The following ZNF862 variants were observed in gnomAD, a reference collection of about 807,000 sequenced individuals.
ZNF862 encodes zinc finger protein 862.
ZNF862 carries 64 observed loss-of-function variants against 91.1 expected under a neutral mutation model. The observed-to-expected ratio is 0.70, with a 90% CI of 0.57 to 0.87. The LOEUF (loss-of-function observed/expected upper bound fraction) is 0.87, where lower values mean the gene tolerates loss of function less well. Ranked by LOEUF, ZNF862 falls within the 40% of genes least tolerant of loss-of-function variation. The pLI is 0.00. For synonymous variants in ZNF862, 631 were observed against 618.1 expected (o/e 1.02, Z -0.31); for missense variants, 1,459 against 1,528.0 (o/e 0.95, Z 0.75).
intron 3 of ZNF862, 80 bp downstream of exon 3, chr7:149,846,335 T>C (rs932887578): frequency 1.1e-5 from 12 of 1,115,512 alleles, no homozygotes; most frequent in Non-Finnish European, 1.6e-5. Context: ...AGGCTCATCC[T>C]CTGCCCTTCC....
Position 149,850,329 on chromosome 7 carries a change from G to T in ZNF862, c.1108G>T (p.Ala370Ser). ...GATGCGGATGAACTACGAGCTGTTG[G>T]CATCCTTGGGTAAAGACGCACCGAG... ...DVMRMNYELLASLGPAAAKPD... is the reference protein window; with the variant it reads ...DVMRMNYELLSSLGPAAAKPD... Residue 370 changes from alanine to serine, a missense_variant, in exon 5 of 8, where the codon GCA (alanine) becomes TCA (serine). Physicochemically the swap from Ala to Ser is moderately conservative, Grantham distance 99. Transcript: ENST00000223210. This position sits in a 1 kb window ranked among gnomAD's most constrained non-coding sequence, Gnocchi z 4.2. 1 of 1,611,128 alleles carries T rather than the reference G, an allele frequency of 6.2e-7. No homozygotes were observed. Among genetic ancestry groups the T allele is most frequent in the Non-Finnish European group, 8.5e-7 (1 of 1,178,416 alleles).
chr7:149,844,930 C>T, intron 2 of ZNF862, 194 bp downstream of exon 2: 1 of 543,682 alleles, frequency 1.8e-6, no homozygotes, highest in South Asian at 2.1e-5. Context: ...CTCTTCTCCC[C>T]TTAAAATGGT....
At chr7:149,862,890 A>T (rs907043843) in intron 7 of ZNF862, among the ~76,000 whole-genome samples, 1 of 152,226 alleles carries the variant, frequency 6.6e-6, no homozygotes, top group Admixed American at 6.5e-5. Context: ...GTACTAGTTA[A>T]AGGTCAAGAC....
rs1301741519 is a variant in ZNF862 at position 149,861,051 on chromosome 7, T to C, written c.1891T>C (p.Ser631Pro). The C allele has an allele frequency of 6.2e-7, 1 of 1,612,716 alleles. No individual in the cohort carries two copies. The highest frequency in any genetic ancestry group is 1.3e-5 in the African/African-American group (1 of 75,012). ...SPCVSVLLDSSTDASEQACVG... is the reference protein window; with the variant it reads ...SPCVSVLLDSPTDASEQACVG... ...CTGTGTGAGCGTGCTGCTGGACAGC[T>C]CCACCGACGCCTCCGAGCAGGCCTG... is the stretch of plus-strand genomic sequence containing the variant. Residue 631 changes from serine to proline, a missense_variant, in exon 7 of 8, where the codon TCC (serine) becomes CCC (proline). Transcript: ENST00000223210. This position sits in a 1 kb window ranked among gnomAD's most constrained non-coding sequence, Gnocchi z 6.7.
intron 6 of ZNF862, 125 bp from the exon 7 acceptor site, chr7:149,860,258 A>G (rs1277176583): frequency 2.1e-5 from 17 of 826,732 alleles, no homozygotes; most frequent in South Asian, 1.5e-4. Context: ...CTCTAGAAAG[A>G]AGGATTGCAT....
chr7:149,859,227 G>C, intron 5 of ZNF862, 195 bp from the exon 6 acceptor site: 1 of 615,682 alleles, frequency 1.6e-6, no homozygotes, highest in East Asian at 2.8e-5. Flanking sequence ...CCCTATCCTA[G>C]CTGAGGGCTG....
intron 7 of ZNF862, among the ~76,000 whole-genome samples, chr7:149,863,820 G>C (rs1021248394): frequency 1.3e-5 from 2 of 152,188 alleles, no homozygotes; most frequent in African/African-American, 4.8e-5. Flanking sequence ...CTACCTATTA[G>C]ATAACCACTG....
chr7:149,862,286 G>T lies in ZNF862; in HGVS notation c.3126G>T (p.Gly1042=), dbSNP rs373995127. ...VPISTSCCER[G]FKAMNRIRTD... The stretch of plus-strand genomic sequence containing the variant: ...TCTCCACCTCTTGCTGTGAGCGGGG[G>T]TTCAAGGCCATGAACCGAATCAGGA... The change falls in exon 7 of 8, where the codon GGG becomes GGT. Residue 1042 remains glycine (G), a synonymous_variant. Transcript: ENST00000223210. The T allele has an allele frequency of 1.2e-6, 2 of 1,613,564 alleles. No individual in the cohort carries two copies. Among genetic ancestry groups the T allele is most frequent in the Admixed American group, 1.7e-5 (1 of 59,970 alleles).
rs559899721 is a variant in ZNF862 at position 149,843,065 on chromosome 7, G to C, written c.25-1560G>C. On this transcript the variant is annotated intron_variant, in intron 1 of 7. Coordinates refer to ENST00000223210, the MANE Select transcript of ZNF862 (RefSeq NM_001099220.3). The stretch of plus-strand genomic sequence containing the variant: ...ATACCAAATGTTAACAGATTCTCAG[G>C]AAAGAAGGGTAATGAAAAGTAATTA... Among the ~76,000 whole-genome samples, 47 of 152,266 alleles carry C rather than the reference G, an allele frequency of 3.1e-4. 2 individuals are homozygous for C. In the South Asian group the frequency reaches 9.5e-3, roughly 31 times the overall value.
chr7:149,844,610 T>C lies in ZNF862; in HGVS notation c.25-15T>C, dbSNP rs1190906433. Reference sequence around the variant, plus strand: ...GGAAGAGAGTGGTACTTAGCAGCTGTCATTTTCCTTTCAGGCTCCTGTGAC... The same window carrying C: ...GGAAGAGAGTGGTACTTAGCAGCTGCCATTTTCCTTTCAGGCTCCTGTGAC... On this transcript the variant is annotated splice_polypyrimidine_tract_variant and intron_variant, in intron 1 of 7. Coordinates refer to ENST00000223210, the MANE Select transcript of ZNF862 (RefSeq NM_001099220.3). The C allele has an allele frequency of 6.4e-7, 1 of 1,560,928 alleles. No homozygotes were observed. Among genetic ancestry groups the C allele is most frequent in the Non-Finnish European group, 8.7e-7 (1 of 1,144,992 alleles).
chr7:149,861,965 G>A lies in ZNF862; in HGVS notation c.2805G>A (p.Arg935=). 1.2e-6 allele frequency: 2 copies of A among 1,613,836 alleles called. No homozygotes were observed. The highest frequency in any genetic ancestry group is 8.5e-7 in the Non-Finnish European group (1 of 1,179,876). Residue 935 remains arginine, a synonymous_variant, in exon 7 of 8, where the codon AGG becomes AGA. Transcript: ENST00000223210. The surrounding 1 kb of genome is among the most constrained non-coding windows in gnomAD (Gnocchi z 6.7). ...CGGGGATTGAGTACCTCCAGCAGAG[G>A]TTTGACGCAGACCGACCCCCACAGC... ...VLTGIEYLQQ[R]FDADRPPQLK...
intron 5 of ZNF862, among the ~76,000 whole-genome samples, chr7:149,853,044 C>T (rs1802121362): frequency 6.6e-6 from 1 of 152,180 alleles, no homozygotes; most frequent in African/African-American, 2.4e-5. Flanking sequence ...TGGGGGCAGC[C>T]GGAGCTAGAG....
intron 5 of ZNF862, chr7:149,852,184 C>G (rs898960729): frequency 2.0e-5 from 3 of 150,648 alleles, no homozygotes; most frequent in African/African-American, 7.3e-5. Flanking sequence ...AGTGGAGATT[C>G]TTTAATTGTT....
rs756698529 is a variant in ZNF862 at position 149,861,173 on chromosome 7, C to A, written c.2013C>A (p.Phe671Leu). ...ACAGTGAGACAGCAGATGGGTACTT[C>A]GAGACCATCGTTTCTGCCCTGGATG... ...PLYSETADGY[F>L]ETIVSALDEL... Residue 671 changes from phenylalanine (F) to leucine (L), a missense_variant, in exon 7 of 8, where the codon TTC (phenylalanine) becomes TTA (leucine). Transcript: ENST00000223210. This position sits in a 1 kb window ranked among gnomAD's most constrained non-coding sequence, Gnocchi z 6.7. The A allele has an allele frequency of 2.0e-5, 33 of 1,612,738 alleles. No individual in the cohort carries two copies. Among genetic ancestry groups the A allele is most frequent in the Non-Finnish European group, 2.6e-5 (31 of 1,179,774 alleles).
chr7:149,854,431 G>A (rs1035960534), intron 5 of ZNF862, among the ~76,000 whole-genome samples: 3 of 152,234 alleles, frequency 2.0e-5, no homozygotes, highest in African/African-American at 4.8e-5. Context: ...AAGAAATTTA[G>A]TATGAACTTA....
chr7:149,847,883 C>T lies in ZNF862; in HGVS notation c.390C>T (p.Asn130=). Residue 130 remains asparagine (N), a synonymous_variant, in exon 4 of 8, where the codon AAC becomes AAT. Transcript: ENST00000223210. The part of the protein sequence containing the change: ...GHIEGDWAGR[N]RKLLKPRSIQ... ...TCGAGGGAGACTGGGCCGGAAGAAA[C>T]AGGAAACTTCTGAAGCCCCGGTCCA... is the stretch of plus-strand genomic sequence containing the variant. The T allele has an allele frequency of 6.2e-7, 1 of 1,609,986 alleles. No homozygotes were observed. The highest frequency in any genetic ancestry group is 8.5e-7 in the Non-Finnish European group (1 of 1,178,016).
chr7:149,865,802 CCT>C lies in ZNF862; in HGVS notation c.*1519_*1520del, dbSNP rs945237179. 13 of 152,276 alleles carry C rather than the reference CCT, an allele frequency of 8.5e-5. No individual in the cohort carries two copies. The highest frequency in any genetic ancestry group is 3.1e-4 in the African/African-American group (13 of 41,442). 9.4% of individuals were successfully genotyped at this position (152,276 alleles called of 1,614,324 possible). On this transcript the variant is annotated 3_prime_UTR_variant, in exon 8 of 8. Transcript: ENST00000223210. Reference sequence around the variant, plus strand: ...CAGGTCCTGTGCTGTGCTGCAGGCCCCTGTGGGTGGGCCCTTTCTCCATAGTC... The same window carrying C: ...CAGGTCCTGTGCTGTGCTGCAGGCCCGTGGGTGGGCCCTTTCTCCATAGTC...
In ZNF862 at chr7:149,850,033, T is replaced by G; in HGVS notation, c.940-128T>G. On this transcript the variant is annotated intron_variant, in intron 4 of 7. Coordinates refer to ENST00000223210, the MANE Select transcript of ZNF862 (RefSeq NM_001099220.3). The surrounding 1 kb of genome is among the most constrained non-coding windows in gnomAD (Gnocchi z 4.2). ...TTTGACTTTCAGTGGATAAATTAAT[T>G]CCTCTGAGTGCATCTGGGCCTCTTG... The G allele has an allele frequency of 1.1e-6, 1 of 913,444 alleles. No individual in the cohort carries two copies. Among genetic ancestry groups the G allele is most frequent in the Non-Finnish European group, 1.7e-6 (1 of 601,016 alleles). The allele number at this position is 913,444 out of a possible 1,614,324, so 56.6% of individuals were successfully genotyped here. A position where few individuals can be genotyped will look rare whatever the true frequency, so the allele number is the denominator to read the frequency against.
At position 149,864,577 on chromosome 7, in the gene ZNF862, C is replaced by T. The variant is rs1802649027; in HGVS notation, c.*293C>T. On this transcript the variant is annotated 3_prime_UTR_variant, in exon 8 of 8. Coordinates refer to ENST00000223210, the MANE Select transcript of ZNF862 (RefSeq NM_001099220.3). ...ATAACCCCATCATGAAAGGTTTCAGCCCCTGAGTTTTGGTGGCAAGAGGAG... is the reference window on the plus strand; with the variant it reads ...ATAACCCCATCATGAAAGGTTTCAGTCCCTGAGTTTTGGTGGCAAGAGGAG... 3.0e-6 allele frequency: 1 copy of T among 338,700 alleles called. No homozygotes were observed. The highest frequency in any genetic ancestry group is 2.1e-5 in the African/African-American group (1 of 48,008). The allele number at this position is 338,700 out of a possible 1,614,324, so 21.0% of individuals were successfully genotyped here.
Sources: allele counts gnomAD v4.1 joint callset (sites outside exome capture counted in the v4.1 genomes callset), GRCh38; gene constraint gnomAD v4.1.1; non-coding constraint Gnocchi (gnomAD v3.1); transcripts MANE v1.5; gene names NCBI Gene and HGNC (gene_info 2026-07-23, HGNC 2026-07-21).